Variants in CNTNAP4 observed in about 807,000 individuals in gnomAD.
CNTNAP4 encodes the protein contactin-associated protein-like 4.
A neutral mutation model predicts 148.4 loss-of-function variants in CNTNAP4; 98 were observed. The ratio of observed to expected loss-of-function variants is 0.66; its 90% CI spans 0.56 to 0.78. The LOEUF is 0.78. Among genes scored for constraint, CNTNAP4 ranks in the 30% least tolerant of loss-of-function variants. The probability of loss-of-function intolerance (pLI) is 0.00; values close to 1 mark genes in which losing one functional copy is unlikely to be tolerated. For synonymous variants in CNTNAP4, 730 were observed against 565.1 expected (o/e 1.29, Z -4.14); for missense variants, 1,935 against 1,565.6 (o/e 1.24, Z -3.98).
At position 76,504,782 on chromosome 16, in the gene CNTNAP4, A is replaced by G. The variant is rs556450203; in HGVS notation, c.2365+6088A>G. 5.3e-5 allele frequency among the ~76,000 whole-genome samples: 8 copies of G among 152,186 alleles called. No individual in the cohort carries two copies. In the South Asian group the frequency reaches 6.2e-4, roughly 12 times the overall value. The stretch of plus-strand genomic sequence containing the variant: ...TGGTGCAATAATATTTGAAAAATCA[A>G]TTTACAAATGGGCAAAAGATTTGCA... On this transcript the variant is annotated intron_variant, in intron 15 of 23. Transcript: ENST00000611870.
chr16:76,299,764 G>A (rs1169099208), intron 1 of CNTNAP4, among the ~76,000 whole-genome samples: 2 of 152,156 alleles, frequency 1.3e-5, no homozygotes, highest in Non-Finnish European at 1.5e-5. Flanking sequence ...AACAATGATA[G>A]ACTGGATTAA....
chr16:76,340,442 A>G (rs983858471), intron 2 of CNTNAP4, among the ~76,000 whole-genome samples: 3 of 152,106 alleles, frequency 2.0e-5, no homozygotes, highest in Non-Finnish European at 2.9e-5. Flanking sequence ...TTTCCCTTGT[A>G]CTAATGACTC....
At chr16:76,542,280 A>C (rs1054926275) in intron 21 of CNTNAP4, among the ~76,000 whole-genome samples, 1 of 152,198 alleles carries the variant, frequency 6.6e-6, no homozygotes, top group East Asian at 1.9e-4. Context: ...TGTCTAGGAG[A>C]CTATTCAGCT....
intron 10 of CNTNAP4, among the ~76,000 whole-genome samples, chr16:76,470,496 T>TATATATAAAA (rs1381766837): frequency 1.8e-5 from 1 of 57,074 alleles, no homozygotes; most frequent in African/African-American, 4.4e-5. Flanking sequence ...TATATATATA[T>TATATATAAAA]AAAATTAGTC....
Position 76,340,704 on chromosome 16 carries a change from C to T in CNTNAP4, c.197-14614C>T, listed in dbSNP as rs527909858. ...CAAACATCAGGAAGGCAGAGACTTA[C>T]TTCTGTTTTGCTCACTTTCGTGGCG... On this transcript the variant is annotated intron_variant, in intron 2 of 23. Transcript: ENST00000611870. Among the ~76,000 whole-genome samples the T allele has an allele frequency of 6.6e-5, 10 of 152,334 alleles. 1 individual carries two copies. The East Asian group carries it at 1.9e-3, about 29-fold the overall frequency.
Position 76,560,186 on chromosome 16 carries a change from A to G in CNTNAP4, c.*1503A>G, listed in dbSNP as rs1239584264. Among the ~76,000 whole-genome samples, 2 of 152,160 alleles carry G rather than the reference A, an allele frequency of 1.3e-5. No individual in the cohort carries two copies. The highest frequency in any genetic ancestry group is 2.9e-5 in the Non-Finnish European group (2 of 68,010). On this transcript the variant is annotated 3_prime_UTR_variant, in exon 24 of 24. Transcript: ENST00000611870. ...ATACTCACACCTTCAAGTGCCTCCC[A>G]AGTAACTATTGGATTTCTTAGTTTG...
chr16:76,554,230 A>G (rs576769984), intron 23 of CNTNAP4, among the ~76,000 whole-genome samples: 2 of 152,332 alleles, frequency 1.3e-5, no homozygotes, highest in Admixed American at 6.5e-5. Flanking sequence ...AATTGTGAAT[A>G]TATTTGAGTA....
At chr16:76,368,827 AT>A (rs1406378483) in intron 3 of CNTNAP4, among the ~76,000 whole-genome samples, 1 of 152,186 alleles carries the variant, frequency 6.6e-6, no homozygotes, top group East Asian at 1.9e-4. Flanking sequence ...TAATAAAAAA[AT>A]AAAATTACAT....
At chr16:76,494,824 A>G (rs1597728007) in intron 13 of CNTNAP4, 86 bp from the exon 14 acceptor site, 3 of 1,332,188 alleles carry the variant, frequency 2.3e-6, no homozygotes, top group Non-Finnish European at 3.1e-6. Flanking sequence ...ATTCTTTTTA[A>G]TGATTTTGGA....
At chr16:76,361,518 C>T (rs1456235690) in intron 3 of CNTNAP4, among the ~76,000 whole-genome samples, 1 of 152,078 alleles carries the variant, frequency 6.6e-6, no homozygotes, top group East Asian at 1.9e-4. Context: ...GAGGAACATT[C>T]CATTTCATGT....
chr16:76,309,752 C>A, intron 1 of CNTNAP4: 3 of 665,864 alleles, frequency 4.5e-6, no homozygotes, highest in Admixed American at 2.1e-5. Context: ...GGGGTTTGGG[C>A]GGAGGGGGTG....
chr16:76,548,678 G>T (rs1430558587), intron 21 of CNTNAP4, among the ~76,000 whole-genome samples: 1 of 151,888 alleles, frequency 6.6e-6, no homozygotes, highest in African/African-American at 2.4e-5. Context: ...CCAGAAATCC[G>T]AGTCAGTTAA....
Position 76,311,580 on chromosome 16 carries a change from A to G in CNTNAP4, c.86-4833A>G, listed in dbSNP as rs546192959. The stretch of plus-strand genomic sequence containing the variant: ...CTAAAGCTATCGTTTTACTACTTCC[A>G]ACTGATATCAAGGTCTATGTGGAAA... On this transcript the variant is annotated intron_variant, in intron 1 of 23. Coordinates refer to ENST00000611870, the MANE Select transcript of CNTNAP4 (RefSeq NM_033401.5). 2.6e-5 allele frequency among the ~76,000 whole-genome samples: 4 copies of G among 152,322 alleles called. No individual in the cohort carries two copies. The South Asian group carries it at 8.3e-4, about 32-fold the overall frequency.
chr16:76,484,473 A>T (rs2081954705), intron 12 of CNTNAP4, among the ~76,000 whole-genome samples: 1 of 152,200 alleles, frequency 6.6e-6, no homozygotes, highest in Admixed American at 6.5e-5. Flanking sequence ...ATTGGAACAT[A>T]TTCAAACAAA....
At chr16:76,448,273 C>A (rs1354956359) in intron 5 of CNTNAP4, 58 bp downstream of exon 5, 1 of 1,236,490 alleles carries the variant, frequency 8.1e-7, no homozygotes, top group Non-Finnish European at 1.2e-6. Context: ...ACCTAAGTCA[C>A]TTTATGCTTT....
intron 2 of CNTNAP4, among the ~76,000 whole-genome samples, chr16:76,326,426 C>T (rs142178057): frequency 6.6e-5 from 10 of 152,174 alleles, no homozygotes; most frequent in South Asian, 2.1e-4. Flanking sequence ...AGGGGATGGA[C>T]GGATCTTGCT....
At chr16:76,447,198 TACTC>T (rs569569519) in intron 4 of CNTNAP4, among the ~76,000 whole-genome samples, 5 of 152,084 alleles carry the variant, frequency 3.3e-5, no homozygotes, top group African/African-American at 9.6e-5. Context: ...TGGTTCCACT[TACTC>T]AGGAGGTTGA....
At chr16:76,494,760 C>G in intron 13 of CNTNAP4, 150 bp from the exon 14 acceptor site, 1 of 749,208 alleles carries the variant, frequency 1.3e-6, no homozygotes, top group Admixed American at 3.2e-5. Context: ...TGCCAGCAAT[C>G]ATACTGTTTT....
intron 1 of CNTNAP4, among the ~76,000 whole-genome samples, chr16:76,288,680 AT>A (rs1958988145): frequency 6.6e-6 from 1 of 152,224 alleles, no homozygotes; most frequent in Non-Finnish European, 1.5e-5. Context: ...AGACAGAAGT[AT>A]TATGTTAATC....
Sources: allele counts gnomAD v4.1 joint callset (sites outside exome capture counted in the v4.1 genomes callset), GRCh38; gene constraint gnomAD v4.1.1; transcripts MANE v1.5; gene names NCBI Gene and HGNC (gene_info 2026-07-23, HGNC 2026-07-21).